The following MEF2C variants were observed in gnomAD, a reference collection of about 807,000 sequenced individuals.
MEF2C encodes myocyte-specific enhancer factor 2C.
Under a neutral mutation model 50.5 loss-of-function variants are expected in MEF2C, and 6 were observed. That is an observed-to-expected ratio of 0.12 (90% CI 0.07 to 0.23). MEF2C has a LOEUF of 0.23. Ranked by LOEUF, MEF2C falls within the 10% of genes least tolerant of loss-of-function variation. MEF2C has a pLI of 1.00. For synonymous variants in MEF2C, 183 were observed against 228.0 expected (o/e 0.80, Z 1.78); for missense variants, 276 against 605.0 (o/e 0.46, Z 5.70).
chr5:88,843,407 T>G, intron 1 of MEF2C: 1 of 985,172 alleles, frequency 1.0e-6, no homozygotes, highest in Non-Finnish European at 1.2e-6. Flanking sequence ...GCTAAAAAAA[T>G]CAATCTATCT....
At chr5:88,778,979 T>C (rs1786315847) in intron 3 of MEF2C, among the ~76,000 whole-genome samples, 1 of 152,352 alleles carries the variant, frequency 6.6e-6, no homozygotes, top group Admixed American at 6.5e-5. Flanking sequence ...GGAGCTCCCC[T>C]GTTTTCTCTG....
chr5:88,817,886 A>G (rs1806224488), intron 2 of MEF2C: 3 of 151,980 alleles, frequency 2.0e-5, no homozygotes, highest in South Asian at 2.1e-4. Context: ...AAGCATGCCT[A>G]ATTTTTATAT....
At position 88,720,563 on chromosome 5, in the gene MEF2C, T is replaced by C. The variant is rs1755977546; in HGVS notation, c.*2041A>G. On this transcript the variant is annotated 3_prime_UTR_variant, in exon 11 of 11. Coordinates refer to ENST00000504921, the MANE Select transcript of MEF2C (RefSeq NM_002397.5). ...GAGAAAAAATGGATAAGAAATGTCC[T>C]ACACATGATATAGCAGTGTTGATAT... 1 of 152,618 alleles carries C rather than the reference T, an allele frequency of 6.6e-6. No individual in the cohort carries two copies. The highest frequency in any genetic ancestry group is 2.4e-5 in the African/African-American group (1 of 41,448). The allele number at this position is 152,618 out of a possible 1,614,324, so 9.5% of individuals were successfully genotyped here.
At chr5:88,798,418 G>C (rs560263171) in intron 3 of MEF2C, among the ~76,000 whole-genome samples, 1 of 150,934 alleles carries the variant, frequency 6.6e-6, no homozygotes, top group Non-Finnish European at 1.5e-5. Context: ...CCTTTCTTCC[G>C]CTTGATCGAT....
intron 6 of MEF2C, chr5:88,741,960 T>C (rs1767036717): frequency 1.4e-5 from 14 of 984,896 alleles, no homozygotes; most frequent in Non-Finnish European, 1.6e-5. Context: ...ACATAGCTAA[T>C]GATCTTTCAA....
intron 1 of MEF2C, among the ~76,000 whole-genome samples, chr5:88,863,349 A>G (rs1030311929): frequency 3.9e-5 from 6 of 152,248 alleles, no homozygotes; most frequent in Admixed American, 1.3e-4. Context: ...TGAAAAGTTG[A>G]CTGATGTGTT....
At chr5:88,827,498 C>G (rs1232710227) in intron 1 of MEF2C, among the ~76,000 whole-genome samples, 1 of 151,944 alleles carries the variant, frequency 6.6e-6, no homozygotes, top group African/African-American at 2.4e-5. Context: ...GCTGCACACC[C>G]CACACACAGA....
chr5:88,727,726 T>C (rs1450435725), intron 10 of MEF2C, among the ~76,000 whole-genome samples: 8 of 152,172 alleles, frequency 5.3e-5, no homozygotes, highest in African/African-American at 1.9e-4. Context: ...AATTTTGGAC[T>C]TATTAAATTT....
intron 3 of MEF2C, among the ~76,000 whole-genome samples, chr5:88,793,068 G>A (rs1562063708): frequency 6.6e-6 from 1 of 152,246 alleles, no homozygotes; most frequent in East Asian, 1.9e-4. Context: ...TTAGAATCTA[G>A]TGTGGGACAG....
At chr5:88,787,188 A>G (rs1314262566) in intron 3 of MEF2C, among the ~76,000 whole-genome samples, 1 of 152,226 alleles carries the variant, frequency 6.6e-6, no homozygotes, top group East Asian at 1.9e-4. Flanking sequence ...AATTTATGTA[A>G]AATGCTACAG....
chr5:88,848,479 G>C (rs150924819), intron 1 of MEF2C, among the ~76,000 whole-genome samples: 111 of 152,226 alleles, frequency 7.3e-4, no homozygotes, highest in African/African-American at 2.6e-3. Context: ...TAGGCAATAT[G>C]CTAAGTGCTT....
rs931605815 is a variant in MEF2C at position 88,848,443 on chromosome 5, T to G, written c.-142-24513A>C. ...GTAAAAACTCCCATTTTCACACATT[T>G]CTATCTCTCTACATAGTAATGATAA... is the stretch of plus-strand genomic sequence containing the variant. On this transcript the variant is annotated intron_variant, in intron 1 of 10. Transcript: ENST00000504921. 9.8e-4 allele frequency among the ~76,000 whole-genome samples: 150 copies of G among 152,326 alleles called. 1 individual carries two copies. Among genetic ancestry groups the G allele is most frequent in the African/African-American group, 3.4e-3 (143 of 41,570 alleles).
In MEF2C at chr5:88,720,856, C is replaced by T. The variant is rs1048553088; in HGVS notation, c.*1748G>A. On this transcript the variant is annotated 3_prime_UTR_variant, in exon 11 of 11. Transcript: ENST00000504921. The stretch of plus-strand genomic sequence containing the variant: ...GGATTTCTTGAAATGGCTATTAAAT[C>T]TCTTTATTGAAGAAAAAATAGATGA... 6.6e-6 allele frequency: 1 copy of T among 152,298 alleles called. No individual in the cohort carries two copies. Among genetic ancestry groups the T allele is most frequent in the Non-Finnish European group, 1.5e-5 (1 of 67,968 alleles). 9.4% of individuals were successfully genotyped at this position (152,298 alleles called of 1,614,324 possible). A position where few individuals can be genotyped will look rare whatever the true frequency, so the allele number is the denominator to read the frequency against.
chr5:88,722,965 C>A, intron 10 of MEF2C, 40 bp from the exon 11 acceptor site: 1 of 1,486,334 alleles, frequency 6.7e-7, no homozygotes, highest in Non-Finnish European at 9.1e-7. Context: ...ATGAAGGAGG[C>A]CTGGAGGCCC....
intron 10 of MEF2C, among the ~76,000 whole-genome samples, chr5:88,724,790 A>G (rs936768972): frequency 3.3e-5 from 5 of 152,124 alleles, no homozygotes; most frequent in South Asian, 2.1e-4. Flanking sequence ...TGTTTGAGGA[A>G]ATCGTCTTTT....
At chr5:88,862,286 C>A (rs967502458) in intron 1 of MEF2C, among the ~76,000 whole-genome samples, 1 of 152,042 alleles carries the variant, frequency 6.6e-6, no homozygotes, top group Admixed American at 6.6e-5. Context: ...TCATGTCTTG[C>A]CTTTTCTGAC....
chr5:88,775,273 C>T (rs1784240280), intron 3 of MEF2C, among the ~76,000 whole-genome samples: 1 of 152,150 alleles, frequency 6.6e-6, no homozygotes, highest in East Asian at 1.9e-4. Flanking sequence ...TGTGCCTGGA[C>T]TCACATTGCA....
intron 6 of MEF2C, 105 bp downstream of exon 6, chr5:88,748,965 C>G: frequency 6.5e-7 from 1 of 1,540,896 alleles, no homozygotes; most frequent in Non-Finnish European, 8.8e-7. Context: ...CCATGCCTCT[C>G]ACAGATCTCT....
At chr5:88,768,363 A>C (rs915942724) in intron 3 of MEF2C, among the ~76,000 whole-genome samples, 6 of 152,150 alleles carry the variant, frequency 3.9e-5, no homozygotes, top group African/African-American at 1.4e-4. Flanking sequence ...TCTTGACTTG[A>C]CCAAGGCTGT....
Sources: allele counts gnomAD v4.1 joint callset (sites outside exome capture counted in the v4.1 genomes callset), GRCh38; gene constraint gnomAD v4.1.1; transcripts MANE v1.5; gene names NCBI Gene and HGNC (gene_info 2026-07-23, HGNC 2026-07-21).